The following PRMT8 variants were observed in gnomAD, a reference collection of about 807,000 sequenced individuals.
PRMT8 encodes protein arginine methyltransferase 8, also known as protein arginine N-methyltransferase 8.
A neutral mutation model predicts 47.1 loss-of-function variants in PRMT8; 7 were observed. The observed-to-expected ratio is 0.15, with a 90% CI of 0.08 to 0.28. PRMT8 has a LOEUF of 0.28. PRMT8 is among the 10% of genes least tolerant of loss of function. PRMT8 has a pLI of 1.00. For missense variants in PRMT8, 237 were observed against 505.4 expected (o/e 0.47, Z 5.09); for synonymous variants, 188 against 186.5 (o/e 1.01, Z -0.07).
rs1865760216 is a variant in PRMT8 at position 3,514,552 on chromosome 12, GC to G, written c.75+22854del. Among the ~76,000 whole-genome samples the G allele has an allele frequency of 6.6e-6, 1 of 152,194 alleles. No individual in the cohort carries two copies. Among genetic ancestry groups the G allele is most frequent in the Non-Finnish European group, 1.5e-5 (1 of 68,026 alleles). The stretch of plus-strand genomic sequence containing the variant: ...GGAATGTAAATACATAACACGTGGA[GC>G]CTTTTTTCTGAGTGTGCCAGCATCC... On this transcript the variant is annotated intron_variant, in intron 1 of 9. Transcript: ENST00000382622. This position sits in a 1 kb window ranked among gnomAD's most constrained non-coding sequence, Gnocchi z 5.9.
intron 1 of PRMT8, among the ~76,000 whole-genome samples, chr12:3,402,403 G>A (rs1431515878): frequency 6.6e-6 from 1 of 152,178 alleles, no homozygotes; most frequent in Non-Finnish European, 1.5e-5. Context: ...TGCCATTCAG[G>A]ACATAGGCAG....
rs1228181976 is a variant in PRMT8, at chr12:3,409,066, A to C, written c.48+27624A>C. 6.6e-6 allele frequency among the ~76,000 whole-genome samples: 1 copy of C among 152,010 alleles called. No individual in the cohort carries two copies. The highest frequency in any genetic ancestry group is 1.5e-5 in the Non-Finnish European group (1 of 68,004). On this transcript the variant is annotated intron_variant, in intron 1 of 9. Transcript: ENST00000452611. The surrounding 1 kb of genome is among the most constrained non-coding windows in gnomAD (Gnocchi z 4.4). ...GGTGCAGGTGCTCAGAGTGGCTGTAAAGCCCAAGTCCTGGGCCCAGGCTCT... is the reference window on the plus strand; with the variant it reads ...GGTGCAGGTGCTCAGAGTGGCTGTACAGCCCAAGTCCTGGGCCCAGGCTCT...
At chr12:3,515,686 A>T (rs1448240651) in intron 1 of PRMT8, among the ~76,000 whole-genome samples, 2 of 152,230 alleles carry the variant, frequency 1.3e-5, no homozygotes, top group Non-Finnish European at 2.9e-5. Context: ...GAGTAGAAGC[A>T]CATTGCTTTC....
chr12:3,512,562 T>C (rs909218602), intron 1 of PRMT8, among the ~76,000 whole-genome samples: 9 of 152,284 alleles, frequency 5.9e-5, no homozygotes, highest in East Asian at 3.9e-4. Flanking sequence ...AGGCCTCCCT[T>C]ACTCTCAACT....
intron 1 of PRMT8, among the ~76,000 whole-genome samples, chr12:3,519,890 C>A (rs1455178423): frequency 6.6e-6 from 1 of 152,116 alleles, no homozygotes; most frequent in East Asian, 1.9e-4. Context: ...AAATTGTCAA[C>A]AAAATTTGGG....
At chr12:3,383,364 T>A (rs1396679915) in intron 1 of PRMT8, among the ~76,000 whole-genome samples, 1 of 152,280 alleles carries the variant, frequency 6.6e-6, no homozygotes, top group Non-Finnish European at 1.5e-5. Flanking sequence ...AATGTGTCTC[T>A]ATTTTATTTA....
intron 1 of PRMT8, among the ~76,000 whole-genome samples, chr12:3,525,186 C>A (rs1308776728): frequency 6.6e-6 from 1 of 152,072 alleles, no homozygotes; most frequent in Admixed American, 6.6e-5. Flanking sequence ...CATGCCCTCG[C>A]ACTCCGGCCT....
At chr12:3,459,611 G>A (rs1006488487) in intron 1 of PRMT8, among the ~76,000 whole-genome samples, 3 of 152,184 alleles carry the variant, frequency 2.0e-5, no homozygotes, top group African/African-American at 7.2e-5. Flanking sequence ...GCAAAGAAAG[G>A]TGTTTTACAG....
chr12:3,491,728 C>T, intron 1 of PRMT8, 28 bp downstream of exon 1: 2 of 1,588,082 alleles, frequency 1.3e-6, no homozygotes, highest in East Asian at 2.3e-5. Context: ...CAGGGGCTCT[C>T]GGAGACCCCG....
chr12:3,539,697 G>A (rs148986825), intron 1 of PRMT8, among the ~76,000 whole-genome samples: 2 of 152,142 alleles, frequency 1.3e-5, no homozygotes, highest in Non-Finnish European at 2.9e-5. Context: ...TCCCTGCTCC[G>A]CCTAGCCTGT....
At chr12:3,479,992 C>T (rs535267055) in intron 1 of PRMT8, among the ~76,000 whole-genome samples, 10 of 152,178 alleles carry the variant, frequency 6.6e-5, no homozygotes, top group East Asian at 5.8e-4. Flanking sequence ...TGTTCAGGGT[C>T]GCCTGGCAAA....
At chr12:3,449,909 G>T (rs1741062874) in intron 1 of PRMT8, among the ~76,000 whole-genome samples, 1 of 152,176 alleles carries the variant, frequency 6.6e-6, no homozygotes, top group Non-Finnish European at 1.5e-5. Context: ...GTTGTATAAG[G>T]TGTAAGGAAG....
intron 1 of PRMT8, among the ~76,000 whole-genome samples, chr12:3,444,924 A>G (rs192680663): frequency 8.5e-5 from 13 of 152,334 alleles, no homozygotes; most frequent in Admixed American, 3.3e-4. Context: ...GTGGAAGCCC[A>G]TGGTCATCTG....
intron 1 of PRMT8, among the ~76,000 whole-genome samples, chr12:3,381,617 A>G (rs1221414367): frequency 6.6e-6 from 1 of 152,168 alleles, no homozygotes; most frequent in African/African-American, 2.4e-5. Flanking sequence ...GCGGCTCCAC[A>G]GTCTTGTTGA....
chr12:3,430,929 C>T (rs879820426), intron 1 of PRMT8, among the ~76,000 whole-genome samples: 2 of 152,158 alleles, frequency 1.3e-5, no homozygotes, highest in Non-Finnish European at 2.9e-5. Flanking sequence ...TGGGGGACCT[C>T]TTGGAGCACT....
upstream of PRMT8, among the ~76,000 whole-genome samples, chr12:3,490,675 AAGAGAGAGAGAGAGAGAGAGAG>A (rs370069857): frequency 2.5e-4 from 30 of 121,158 alleles, no homozygotes; most frequent in African/African-American, 7.6e-4. Context: ...TTTGGGTACA[AAGAGAGAGAGAGAGAGAGAGAG>A]AGAGAGAGAG....
At position 3,508,831 on chromosome 12, in the gene PRMT8, G is replaced by A. The variant is rs1047972027; in HGVS notation, c.75+17131G>A. ...ACCTCAGGTTCGCTGGGTTGCCTCC[G>A]GAGTCCTGCCCTCTTCCCAGCTCCT... On this transcript the variant is annotated intron_variant, in intron 1 of 9. Transcript: ENST00000382622. This position sits in a 1 kb window ranked among gnomAD's most constrained non-coding sequence, Gnocchi z 4.9. Among the ~76,000 whole-genome samples the A allele has an allele frequency of 5.9e-5, 9 of 152,144 alleles. No individual in the cohort carries two copies. Among genetic ancestry groups the A allele is most frequent in the African/African-American group, 1.9e-4 (8 of 41,402 alleles).
At chr12:3,575,080 G>C (rs558487468) in intron 6 of PRMT8, among the ~76,000 whole-genome samples, 1 of 152,198 alleles carries the variant, frequency 6.6e-6, no homozygotes, top group Non-Finnish European at 1.5e-5. Flanking sequence ...CACCAGCCTC[G>C]GGTGATTTAA....
intron 1 of PRMT8, among the ~76,000 whole-genome samples, chr12:3,408,392 C>T (rs1432818898): frequency 6.6e-6 from 1 of 152,038 alleles, no homozygotes; most frequent in African/African-American, 2.4e-5. Context: ...CAACAATATC[C>T]TTGGCTAAAT....
Sources: allele counts gnomAD v4.1 joint callset (sites outside exome capture counted in the v4.1 genomes callset), GRCh38; gene constraint gnomAD v4.1.1; non-coding constraint Gnocchi (gnomAD v3.1); transcripts MANE v1.5; gene names NCBI Gene and HGNC (gene_info 2026-07-23, HGNC 2026-07-21).